C19orf47: variants seen among roughly 807,000 people sequenced by gnomAD.
The protein encoded by C19orf47 is uncharacterized protein C19orf47.
Under a neutral mutation model 32.3 loss-of-function variants are expected in C19orf47, and 18 were observed. The ratio of observed to expected loss-of-function variants is 0.56; its 90% CI spans 0.39 to 0.83. The LOEUF (loss-of-function observed/expected upper bound fraction) is 0.83. C19orf47 is among the 40% of genes least tolerant of loss of function. The pLI, the probability that C19orf47 is intolerant of heterozygous loss-of-function variation, is 0.00. For synonymous variants in C19orf47, 202 were observed against 211.1 expected, an observed-to-expected ratio of 0.96 and a Z score of 0.37; for missense variants, 484 against 531.6, an observed-to-expected ratio of 0.91 and a Z score of 0.88.
chr19:40,336,003 G>T, intron 4 of C19orf47, 107 bp downstream of exon 4: 1 of 931,694 alleles, frequency 1.1e-6, no homozygotes, highest in Non-Finnish European at 1.7e-6. Flanking sequence ...ACCAGCCCTG[G>T]AACCTGGGTC....
intron 4 of C19orf47, chr19:40,334,762 A>T (rs533897178): frequency 6.6e-6 from 1 of 151,994 alleles, no homozygotes; most frequent in South Asian, 2.1e-4. Context: ...AATAAAATAA[A>T]GAGGCCAGGC....
In C19orf47 at chr19:40,336,206, C is replaced by T. The variant is rs1600202314; in HGVS notation, c.126G>A (p.Leu42=). The T allele has an allele frequency of 6.2e-7, 1 of 1,614,266 alleles. No homozygotes were observed. The highest frequency in any genetic ancestry group is 8.5e-7 in the Non-Finnish European group (1 of 1,180,048). The change falls in exon 4 of 9, where the codon CTG becomes CTA. Residue 42 remains leucine (L), a synonymous_variant. Transcript: ENST00000683109. ...TCATTATCTCCTTATTGAGATCCAG[C>T]AGCATGCTCTTCTGAATCCTGCAGG... ...FVDNRIQKSM[L]LDLNKEIMNE... is the part of the protein sequence containing the mutation.
chr19:40,338,492 C>G (rs2078114635), intron 2 of C19orf47, among the ~76,000 whole-genome samples: 1 of 151,938 alleles, frequency 6.6e-6, no homozygotes, highest in Admixed American at 6.6e-5. Flanking sequence ...TCAAGCAATT[C>G]TCCTGCCTCA....
chr19:40,301,120 C>T, the C19orf47 span, among the ~76,000 whole-genome samples: 3 of 151,782 alleles, frequency 2.0e-5, no homozygotes, highest in Non-Finnish European at 4.4e-5. Flanking sequence ...CCGAGGCACT[C>T]CAGCCTGGGT....
At chr19:40,333,084 C>T (rs1207027024) in intron 5 of C19orf47, among the ~76,000 whole-genome samples, 2 of 151,788 alleles carry the variant, frequency 1.3e-5, no homozygotes, top group Admixed American at 1.3e-4. Context: ...ATGGTGAAAC[C>T]CCGTCTCTAC....
At position 40,321,568 on chromosome 19, in the gene C19orf47, A is replaced by C; in HGVS notation, c.*314T>G. On this transcript the variant is annotated 3_prime_UTR_variant, in exon 9 of 9. Coordinates refer to ENST00000683109, the MANE Select transcript of C19orf47 (RefSeq NM_001256441.2). ...GACCCTGCTCAGGGGAAGAAGGGGA[A>C]TGTAGGAGAGGAAGAAGCCCCCTGG... is the stretch of plus-strand genomic sequence containing the variant. The C allele has an allele frequency of 1.7e-5, 19 of 1,113,444 alleles. No individual in the cohort carries two copies. Among genetic ancestry groups the C allele is most frequent in the East Asian group, 1.2e-4 (2 of 17,010 alleles). 69.0% of individuals were successfully genotyped at this position (1,113,444 alleles called of 1,614,324 possible). A position where few individuals can be genotyped will look rare whatever the true frequency, so the allele number is the denominator to read the frequency against.
intron 5 of C19orf47, among the ~76,000 whole-genome samples, chr19:40,331,457 C>A (rs1157395903): frequency 1.3e-5 from 2 of 152,204 alleles, no homozygotes; most frequent in Non-Finnish European, 2.9e-5. Flanking sequence ...ACCAGCCAAC[C>A]CACAAAATCA....
chr19:40,329,166 G>C (rs1338645914), intron 5 of C19orf47, among the ~76,000 whole-genome samples: 1 of 151,926 alleles, frequency 6.6e-6, no homozygotes, highest in Non-Finnish European at 1.5e-5. Flanking sequence ...AAGAACATAA[G>C]CTCCACGAGG....
chr19:40,323,771 C>T (rs2077769849), intron 8 of C19orf47, among the ~76,000 whole-genome samples: 1 of 152,068 alleles, frequency 6.6e-6, no homozygotes, highest in African/African-American at 2.4e-5. Flanking sequence ...CAGTTGGGGA[C>T]ATGGTGGGTG....
chr19:40,339,369 G>A (rs956311606), intron 2 of C19orf47, among the ~76,000 whole-genome samples: 4 of 152,162 alleles, frequency 2.6e-5, no homozygotes, highest in Non-Finnish European at 4.4e-5. Flanking sequence ...TCTTGGAATC[G>A]ATGAGATGTG....
chr19:40,337,895 C>A (rs1314691449), intron 2 of C19orf47, among the ~76,000 whole-genome samples: 3 of 152,140 alleles, frequency 2.0e-5, no homozygotes, highest in Admixed American at 1.3e-4. Flanking sequence ...GTTGTGCAGG[C>A]ACCATCCACC....
chr19:40,340,777 A>C (rs2078161342), intron 2 of C19orf47, among the ~76,000 whole-genome samples: 1 of 149,098 alleles, frequency 6.7e-6, no homozygotes, highest in East Asian at 2.0e-4. Context: ...ACAGGAGTTC[A>C]AGACCAGCCC....
chr19:40,322,514 G>A (rs1029298086), intron 8 of C19orf47, 138 bp from the exon 9 acceptor site: 31 of 1,147,666 alleles, frequency 2.7e-5, no homozygotes, highest in East Asian at 1.0e-4. Context: ...AGATAGTGGC[G>A]AGAGCCATGA....
the C19orf47 span, among the ~76,000 whole-genome samples, chr19:40,303,097 G>A: frequency 6.6e-6 from 1 of 151,642 alleles, no homozygotes; most frequent in Non-Finnish European, 1.5e-5. Context: ...GCGGGGTGGC[G>A]GGTGCCTGTA....
intron 1 of C19orf47, among the ~76,000 whole-genome samples, chr19:40,345,275 T>C (rs1280638824): frequency 6.6e-6 from 1 of 152,098 alleles, no homozygotes; most frequent in Non-Finnish European, 1.5e-5. Flanking sequence ...CTCAAGGGAT[T>C]ACCACATACC....
At chr19:40,331,938 T>TGAGGCAGGAGAATCGCTTG in intron 5 of C19orf47, among the ~76,000 whole-genome samples, 1 of 150,086 alleles carries the variant, frequency 6.7e-6, no homozygotes. Context: ...CTCAGGAGGC[T>TGAGGCAGGAGAATCGCTTG]GAGGCAGGAG....
chr19:40,296,259 T>C, the C19orf47 span, among the ~76,000 whole-genome samples: 1 of 150,870 alleles, frequency 6.6e-6, no homozygotes, highest in South Asian at 2.1e-4. Context: ...CTGAAGGCAA[T>C]TGTAACACAA....
At chr19:40,335,662 T>G (rs987897281) in intron 4 of C19orf47, among the ~76,000 whole-genome samples, 2 of 150,360 alleles carry the variant, frequency 1.3e-5, no homozygotes, top group Non-Finnish European at 3.0e-5. Context: ...CAGGCTGGAG[T>G]GCAGTGGTGC....
upstream of C19orf47, chr19:40,348,428 T>A: frequency 6.7e-7 from 1 of 1,489,760 alleles, no homozygotes. Context: ...CCCGGAAGCA[T>A]CCTCTCACCG....
Sources: allele counts gnomAD v4.1 joint callset (sites outside exome capture counted in the v4.1 genomes callset), GRCh38; gene constraint gnomAD v4.1.1; transcripts MANE v1.5; gene names NCBI Gene and HGNC (gene_info 2026-07-23, HGNC 2026-07-21).